Variants in UFSP2 observed in about 807,000 individuals in gnomAD.
The protein encoded by UFSP2 is ufm1-specific protease 2.
Under a neutral mutation model 60.2 loss-of-function variants are expected in UFSP2, and 43 were observed. The observed-to-expected ratio is 0.71, with a 90% CI of 0.56 to 0.92. The LOEUF is 0.92. Ranked by LOEUF, UFSP2 falls within the 40% of genes least tolerant of loss-of-function variation. The pLI is 0.00. For missense variants in UFSP2, 520 were observed against 575.0 expected (o/e 0.90, Z 0.98); for synonymous variants, 183 against 195.1 (o/e 0.94, Z 0.52).
At chr4:185,404,300 T>G in intron 10 of UFSP2, among the ~76,000 whole-genome samples, 1 of 144,388 alleles carries the variant, frequency 6.9e-6, no homozygotes, top group East Asian at 2.0e-4. Flanking sequence ...TAAGTTTTTT[T>G]TTTTTTTTTT....
intron 11 of UFSP2, among the ~76,000 whole-genome samples, chr4:185,402,696 G>C (rs1272938888): frequency 6.6e-6 from 1 of 152,096 alleles, no homozygotes. Context: ...GGCTGGTCTC[G>C]AATTCCTGAT....
chr4:185,413,238 A>G (rs1269026038), intron 7 of UFSP2, among the ~76,000 whole-genome samples: 1 of 152,022 alleles, frequency 6.6e-6, no homozygotes, highest in Non-Finnish European at 1.5e-5. Flanking sequence ...AAATACAAAA[A>G]TTAGCCAGGT....
intron 1 of UFSP2, among the ~76,000 whole-genome samples, chr4:185,424,406 C>T (rs970171230): frequency 8.5e-5 from 13 of 152,218 alleles, no homozygotes; most frequent in Admixed American, 3.3e-4. Flanking sequence ...GGTACCAATA[C>T]AGTTTTTCTC....
rs1412700733 is a variant in UFSP2, at chr4:185,425,800, C to A, written c.3+66G>T. ...CAGCTCCTTTCAGGCGCTGTGAAGC[C>A]CGCTCGTGGCGGCTGCCAAAGTCCG... On this transcript the variant is annotated intron_variant, in intron 1 of 11. Transcript: ENST00000264689. The A allele has an allele frequency of 9.5e-6, 15 of 1,575,248 alleles. No homozygotes were observed. In the African/African-American group the frequency reaches 1.8e-4, roughly 18 times the overall value.
At chr4:185,410,763 G>A (rs763642462) in intron 7 of UFSP2, among the ~76,000 whole-genome samples, 21 of 151,976 alleles carry the variant, frequency 1.4e-4, no homozygotes, top group African/African-American at 2.4e-4. Context: ...TGGCCAATAC[G>A]GTGAAACCCC....
In UFSP2 at chr4:185,425,922, G is replaced by A. The variant is rs1033454845; in HGVS notation, c.-54C>T. 1.3e-5 allele frequency: 20 copies of A among 1,567,660 alleles called. No individual in the cohort carries two copies. Among genetic ancestry groups the A allele is most frequent in the Middle Eastern group, 1.7e-4 (1 of 6,020 alleles). The stretch of plus-strand genomic sequence containing the variant: ...TGACGCCTGCCCAAAAGTTCCGGGG[G>A]CCGGCCCTGAAGTGGTGTCACCGCA... On this transcript the variant is annotated 5_prime_UTR_variant, in exon 1 of 12. Transcript: ENST00000264689.
intron 7 of UFSP2, among the ~76,000 whole-genome samples, chr4:185,413,272 C>T (rs1695963084): frequency 6.6e-6 from 1 of 152,010 alleles, no homozygotes; most frequent in African/African-American, 2.4e-5. Flanking sequence ...CCTGTAACCC[C>T]AGCTGCTCAG....
intron 6 of UFSP2, 31 bp downstream of exon 6, chr4:185,415,123 GT>G: frequency 6.6e-7 from 1 of 1,508,528 alleles, no homozygotes; most frequent in Non-Finnish European, 8.9e-7. Flanking sequence ...AGTCATTATT[GT>G]TTTTTCTAAG....
At chr4:185,406,073 A>G (rs1049176756) in intron 9 of UFSP2, 39 of 921,410 alleles carry the variant, frequency 4.2e-5, no homozygotes, top group Non-Finnish European at 5.3e-5. Context: ...AGTGTGCTAG[A>G]TAAGACGCTA....
intron 7 of UFSP2, among the ~76,000 whole-genome samples, chr4:185,413,050 A>AATCCC (rs1025174094): frequency 6.6e-6 from 1 of 152,178 alleles, no homozygotes; most frequent in Admixed American, 6.5e-5. Context: ...TCATGCCTGT[A>AATCCC]ATCCCAGCAC....
intron 1 of UFSP2, among the ~76,000 whole-genome samples, chr4:185,423,590 A>G (rs2095553349): frequency 1.3e-5 from 2 of 152,224 alleles, no homozygotes; most frequent in South Asian, 2.1e-4. Context: ...TCATATAGCC[A>G]TAAAAAAATC....
chr4:185,405,897 C>A (rs1364122274), intron 9 of UFSP2, 41 bp from the exon 10 acceptor site: 2 of 1,613,516 alleles, frequency 1.2e-6, no homozygotes, highest in African/African-American at 2.7e-5. Flanking sequence ...CTACTTCCAA[C>A]ACTACGGTCA....
chr4:185,402,704 G>A (rs2095514804), intron 11 of UFSP2, among the ~76,000 whole-genome samples: 1 of 152,188 alleles, frequency 6.6e-6, no homozygotes, highest in Non-Finnish European at 1.5e-5. Context: ...TCGAATTCCT[G>A]ATCTCAGGTG....
intron 9 of UFSP2, among the ~76,000 whole-genome samples, chr4:185,407,345 C>T (rs1562051): frequency 0.73 from 111,074 of 152,036 alleles, 41,840 homozygotes; most frequent in East Asian, 0.99. Context: ...TGAGCCACTG[C>T]ACCTGGCTAG....
intron 1 of UFSP2, 84 bp downstream of exon 1, chr4:185,425,782 T>C: frequency 6.4e-7 from 1 of 1,557,418 alleles, no homozygotes; most frequent in South Asian, 1.2e-5. Context: ...GACCAGCTCC[T>C]TTCAGGCGCT....
intron 5 of UFSP2, 99 bp from the exon 6 acceptor site, chr4:185,415,446 A>C (rs2095536867): frequency 9.4e-7 from 1 of 1,063,974 alleles, no homozygotes; most frequent in Non-Finnish European, 1.3e-6. Flanking sequence ...AAAAAACTTG[A>C]TTGGACCAGG....
intron 2 of UFSP2, 91 bp from the exon 3 acceptor site, chr4:185,418,861 A>G (rs922332164): frequency 1.0e-6 from 1 of 976,522 alleles, no homozygotes; most frequent in African/African-American, 1.6e-5. Context: ...GCATAGTAAA[A>G]CTCTCAATAC....
intron 11 of UFSP2, chr4:185,402,140 CCTT>C (rs72138918): frequency 0.065 from 20,300 of 310,460 alleles, 1,098 homozygotes; most frequent in African/African-American, 0.15. Context: ...TTTGCACTCT[CCTT>C]CTCTGTCCTA....
intron 1 of UFSP2, among the ~76,000 whole-genome samples, chr4:185,424,439 T>C (rs562138091): frequency 2.6e-5 from 4 of 152,360 alleles, no homozygotes; most frequent in Admixed American, 6.5e-5. Flanking sequence ...CTTTGTCACA[T>C]TTCTATAAGG....
Sources: gnomAD v4.1 joint callset for allele counts (sites outside exome capture counted in the v4.1 genomes callset) on GRCh38, gnomAD v4.1.1 for gene constraint, MANE v1.5 for transcripts, NCBI Gene and HGNC (gene_info 2026-07-23, HGNC 2026-07-21) for gene names.